Variants in AGBL4 observed in about 807,000 individuals in gnomAD.
AGBL4 encodes the protein AGBL carboxypeptidase 4.
In AGBL4, 58 loss-of-function variants were observed where a neutral mutation model predicts 66.4. That is an observed-to-expected ratio of 0.87 (90% CI 0.71 to 1.09). AGBL4 has a LOEUF of 1.09. Ranked by LOEUF, AGBL4 falls within the 50% of genes least tolerant of loss-of-function variation. The pLI is 0.00. For missense variants in AGBL4, 579 were observed against 631.0 expected (o/e 0.92, Z 0.88); for synonymous variants, 234 against 222.9 (o/e 1.05, Z -0.44).
At chr1:49,509,521 A>T (rs1284713234) in intron 3 of AGBL4, among the ~76,000 whole-genome samples, 1 of 151,942 alleles carries the variant, frequency 6.6e-6, no homozygotes, top group Non-Finnish European at 1.5e-5. Flanking sequence ...ATAACTAATG[A>T]GTAGTGAGAA....
intron 3 of AGBL4, among the ~76,000 whole-genome samples, chr1:49,520,787 A>G (rs1650193595): frequency 6.6e-6 from 1 of 151,072 alleles, no homozygotes; most frequent in South Asian, 2.1e-4. Flanking sequence ...GTAGAAGTTT[A>G]TCACTCACCA....
intron 2 of AGBL4, among the ~76,000 whole-genome samples, chr1:49,788,283 T>C (rs1335952250): frequency 6.6e-6 from 1 of 152,070 alleles, no homozygotes; most frequent in Admixed American, 6.6e-5. Flanking sequence ...GTCTATATAA[T>C]GTCAAGGTGA....
rs12741363 is a variant in AGBL4, at chr1:49,183,069, C to T, written c.377+62701G>A. On this transcript the variant is annotated intron_variant, in intron 4 of 13. Transcript: ENST00000371839. ...CTATTCTACTAAAAAGTGTCAAATTCCTGCTCTTAAATCTAATCAAATGTA... is the reference window on the plus strand; with the variant it reads ...CTATTCTACTAAAAAGTGTCAAATTTCTGCTCTTAAATCTAATCAAATGTA... Among the ~76,000 whole-genome samples the T allele has an allele frequency of 8.0e-3, 1,211 of 152,196 alleles. 8 individuals carry two copies. The highest frequency in any genetic ancestry group is 0.012 in the Non-Finnish European group (791 of 68,000).
intron 6 of AGBL4, among the ~76,000 whole-genome samples, chr1:48,762,448 T>C (rs1222506648): frequency 6.6e-6 from 1 of 152,218 alleles, no homozygotes; most frequent in Admixed American, 6.5e-5. Context: ...CCCCTTGTGG[T>C]AAAATACTTT....
rs561903416 is a variant in AGBL4 at position 49,720,162 on chromosome 1, C to G, written c.158-22725G>C. ...ATAACAGCATTATAGGTTGAGCATC[C>G]CAAATATAAAAATGCAAAATCCAAA... On this transcript the variant is annotated intron_variant, in intron 2 of 13. Transcript: ENST00000371839. 6.6e-5 allele frequency among the ~76,000 whole-genome samples: 10 copies of G among 151,924 alleles called. No individual in the cohort carries two copies. The East Asian group carries it at 1.9e-3, about 29-fold the overall frequency.
intron 9 of AGBL4, among the ~76,000 whole-genome samples, chr1:48,599,121 C>T (rs1381483094): frequency 2.6e-5 from 4 of 152,190 alleles, no homozygotes; most frequent in Non-Finnish European, 4.4e-5. Flanking sequence ...GGAAGGTCTT[C>T]AGGGACAATA....
intron 5 of AGBL4, among the ~76,000 whole-genome samples, chr1:49,042,501 T>C (rs1469302607): frequency 2.6e-5 from 4 of 152,284 alleles, no homozygotes; most frequent in South Asian, 2.1e-4. Flanking sequence ...CTTCCTTTAG[T>C]TAAATGTGGA....
chr1:49,887,098 T>C (rs1364981855), intron 1 of AGBL4, among the ~76,000 whole-genome samples: 1 of 150,996 alleles, frequency 6.6e-6, no homozygotes, highest in Non-Finnish European at 1.5e-5. Context: ...GCAAGGAAGG[T>C]GGAGTAAACA....
intron 4 of AGBL4, among the ~76,000 whole-genome samples, chr1:49,232,533 C>T (rs905274675): frequency 5.9e-5 from 9 of 152,006 alleles, no homozygotes; most frequent in Non-Finnish European, 1.2e-4. Flanking sequence ...CCTGTCTCTA[C>T]TAAAAATACA....
At chr1:49,959,653 C>A (rs1249024697) in intron 1 of AGBL4, among the ~76,000 whole-genome samples, 1 of 152,020 alleles carries the variant, frequency 6.6e-6, no homozygotes, top group Non-Finnish European at 1.5e-5. Context: ...AAAACAACTG[C>A]CATTTGACCC....
chr1:49,445,493 G>T (rs1162784199), intron 3 of AGBL4, among the ~76,000 whole-genome samples: 1 of 151,944 alleles, frequency 6.6e-6, no homozygotes, highest in Non-Finnish European at 1.5e-5. Flanking sequence ...GTATTCAATT[G>T]TTTTATGTTA....
intron 3 of AGBL4, among the ~76,000 whole-genome samples, chr1:49,575,775 C>T (rs1016157983): frequency 3.9e-5 from 6 of 152,214 alleles, no homozygotes; most frequent in Admixed American, 2.6e-4. Flanking sequence ...ATAAGGCCCA[C>T]CAGAAGCAAT....
At chr1:49,168,465 C>T (rs1646673625) in intron 4 of AGBL4, among the ~76,000 whole-genome samples, 1 of 152,154 alleles carries the variant, frequency 6.6e-6, no homozygotes, top group Non-Finnish European at 1.5e-5. Context: ...TCACCTGGCA[C>T]CAACCACAGT....
chr1:49,256,381 T>A (rs1453108529), intron 3 of AGBL4, among the ~76,000 whole-genome samples: 1 of 152,186 alleles, frequency 6.6e-6, no homozygotes, highest in East Asian at 1.9e-4. Flanking sequence ...ATCAATTGTA[T>A]ATCTATATAC....
chr1:48,549,335 C>T (rs1252026001), intron 11 of AGBL4, among the ~76,000 whole-genome samples: 1 of 152,212 alleles, frequency 6.6e-6, no homozygotes, highest in East Asian at 1.9e-4. Flanking sequence ...AAGTGCATGA[C>T]TAAACAGGTG....
intron 5 of AGBL4, among the ~76,000 whole-genome samples, chr1:48,928,657 CT>C (rs1364566697): frequency 1.3e-5 from 2 of 152,006 alleles, no homozygotes; most frequent in African/African-American, 4.8e-5. Context: ...GCTAGATGCT[CT>C]TGGTCAAACC....
intron 3 of AGBL4, among the ~76,000 whole-genome samples, chr1:49,512,822 A>G (rs1234651321): frequency 5.3e-5 from 8 of 152,032 alleles, no homozygotes; most frequent in South Asian, 4.1e-4. Flanking sequence ...AGGGCACACA[A>G]TCTCACCCTA....
chr1:49,928,781 AC>A (rs1326565601), intron 1 of AGBL4, among the ~76,000 whole-genome samples: 4 of 152,040 alleles, frequency 2.6e-5, no homozygotes, highest in African/African-American at 9.7e-5. Flanking sequence ...CCAACAGTTG[AC>A]CCACCATTTG....
intron 3 of AGBL4, among the ~76,000 whole-genome samples, chr1:49,544,632 T>G (rs1430634407): frequency 6.6e-6 from 1 of 152,250 alleles, no homozygotes; most frequent in Non-Finnish European, 1.5e-5. Flanking sequence ...GTACTTTTTA[T>G]GTGCGCAGCA....
Sources: gnomAD v4.1 joint callset for allele counts (sites outside exome capture counted in the v4.1 genomes callset) on GRCh38, gnomAD v4.1.1 for gene constraint, MANE v1.5 for transcripts, NCBI Gene and HGNC (gene_info 2026-07-23, HGNC 2026-07-21) for gene names.